B3GAT2: variants seen among roughly 807,000 people sequenced by gnomAD.
B3GAT2 encodes beta-1,3-glucuronyltransferase 2.
B3GAT2 carries 26 observed loss-of-function variants against 27.8 expected under a neutral mutation model. The observed-to-expected ratio is 0.93, with a 90% CI of 0.68 to 1.30. The LOEUF is 1.30. Among genes scored for constraint, B3GAT2 ranks in the 50% most tolerant of loss-of-function variants. The pLI is 0.00. For synonymous variants in B3GAT2, 218 were observed against 195.1 expected, an observed-to-expected ratio of 1.12 and a Z score of -0.98; for missense variants, 458 against 459.0, an observed-to-expected ratio of 1.00 and a Z score of 0.02.
At chr6:70,898,523 A>G (rs1772432725) in intron 1 of B3GAT2, among the ~76,000 whole-genome samples, 1 of 152,222 alleles carries the variant, frequency 6.6e-6, no homozygotes, top group Non-Finnish European at 1.5e-5. Context: ...AACCTAATAC[A>G]TACTTTTAAA....
At chr6:70,953,969 G>A (rs1481217659) in intron 1 of B3GAT2, among the ~76,000 whole-genome samples, 1 of 152,172 alleles carries the variant, frequency 6.6e-6, no homozygotes, top group Non-Finnish European at 1.5e-5. Context: ...TTCACTGCCT[G>A]CGTGTGCCAA....
intron 1 of B3GAT2, among the ~76,000 whole-genome samples, chr6:70,937,979 G>A (rs566430450): frequency 1.5e-4 from 23 of 151,358 alleles, no homozygotes; most frequent in African/African-American, 5.1e-4. Context: ...GTTTGCAGAC[G>A]ACATGATTGT....
Position 70,956,050 on chromosome 6 carries a change from C to T in B3GAT2, c.380G>A (p.Ser127Asn), listed in dbSNP as rs766397393. Residue 127 changes from serine (S) to asparagine (N), a missense_variant, in exon 1 of 4, where the codon AGC becomes AAC. Coordinates refer to ENST00000230053, the MANE Select transcript of B3GAT2 (RefSeq NM_080742.3). ...EDAAARSELV[S>N]RFLARAGLPS... ...CAGCCCGGCCCGCGCCAGGAAGCGG[C>T]TCACCAGCTCGCTGCGCGCCGCCGC... 3.2e-6 allele frequency: 5 copies of T among 1,578,064 alleles called. No homozygotes were observed. The Admixed American group carries it at 8.8e-5, about 28-fold the overall frequency.
chr6:70,859,317 TCTTA>T lies in B3GAT2; in HGVS notation c.*2342_*2345del, dbSNP rs1475639544. On this transcript the variant is annotated 3_prime_UTR_variant, in exon 4 of 4. Transcript: ENST00000230053. ...GAACCAGGAAGGAGTTAATACTGGC[TCTTA>T]CTTCCAGATAATGCAGAAGGGTGAT... is the stretch of plus-strand genomic sequence containing the variant. 5.8e-6 allele frequency: 9 copies of T among 1,542,790 alleles called. No homozygotes were observed. The highest frequency in any genetic ancestry group is 7.0e-6 in the Non-Finnish European group (8 of 1,143,046).
chr6:70,879,480 G>GATTCATTCATTCATTC (rs140959014), intron 2 of B3GAT2, among the ~76,000 whole-genome samples: 5,409 of 151,640 alleles, frequency 0.036, 355 homozygotes, highest in East Asian at 0.33. Flanking sequence ...CTAAACTTAG[G>GATTCATTCATTCATTC]ATTCATTCAT....
At chr6:70,895,495 ATTTTTTTTTTTTTTTTT>A (rs59066944) in intron 1 of B3GAT2, among the ~76,000 whole-genome samples, 3 of 76,612 alleles carry the variant, frequency 3.9e-5, no homozygotes, top group African/African-American at 6.0e-5. Flanking sequence ...CAAAAAGGGG[ATTTTTTTTTTTTTTTTT>A]TTTTTTTTTT....
At chr6:70,926,962 A>G (rs1772972411) in intron 1 of B3GAT2, among the ~76,000 whole-genome samples, 2 of 152,238 alleles carry the variant, frequency 1.3e-5, no homozygotes, top group South Asian at 4.1e-4. Flanking sequence ...AGCCCATCAG[A>G]CTAACAGCAG....
At chr6:70,896,331 T>C (rs1582362382) in intron 1 of B3GAT2, among the ~76,000 whole-genome samples, 1 of 152,206 alleles carries the variant, frequency 6.6e-6, no homozygotes, top group South Asian at 2.1e-4. Flanking sequence ...AACGACTATA[T>C]GCTGAGTGCT....
At chr6:70,891,008 T>G (rs1772279087) in intron 2 of B3GAT2, among the ~76,000 whole-genome samples, 2 of 152,254 alleles carry the variant, frequency 1.3e-5, no homozygotes, top group South Asian at 4.1e-4. Flanking sequence ...AGCTCAGTTC[T>G]TTCAAGCAGT....
At chr6:70,948,636 C>T (rs1426839670) in intron 1 of B3GAT2, among the ~76,000 whole-genome samples, 55 of 151,158 alleles carry the variant, frequency 3.6e-4, no homozygotes, top group Middle Eastern at 3.4e-3. Context: ...GAATCAATAT[C>T]GTGAAAATGG....
chr6:70,955,809 G>T (rs1447550424), intron 1 of B3GAT2, 30 bp downstream of exon 1: 1 of 1,545,446 alleles, frequency 6.5e-7, no homozygotes, highest in South Asian at 1.2e-5. Flanking sequence ...TCCCGCCCTC[G>T]CCCACCCAGC....
chr6:70,870,225 G>T (rs1037541332), intron 2 of B3GAT2, among the ~76,000 whole-genome samples: 4 of 151,960 alleles, frequency 2.6e-5, no homozygotes, highest in African/African-American at 9.7e-5. Flanking sequence ...AAAATGATGA[G>T]TTCATGTCCT....
intron 1 of B3GAT2, among the ~76,000 whole-genome samples, chr6:70,907,802 A>T (rs1772625751): frequency 6.6e-6 from 1 of 152,190 alleles, no homozygotes; most frequent in African/African-American, 2.4e-5. Context: ...CCCCTGGCAA[A>T]CTTTGTGAGA....
intron 1 of B3GAT2, among the ~76,000 whole-genome samples, chr6:70,954,856 C>T (rs1394343235): frequency 1.3e-5 from 2 of 148,898 alleles, no homozygotes; most frequent in Non-Finnish European, 1.5e-5. Flanking sequence ...ACACACACAC[C>T]GCAAGATACC....
chr6:70,948,116 C>T (rs993761901), intron 1 of B3GAT2, among the ~76,000 whole-genome samples: 12 of 148,732 alleles, frequency 8.1e-5, no homozygotes, highest in African/African-American at 2.2e-4. Context: ...AAGCCCACAG[C>T]CAATATCATA....
At chr6:70,902,699 C>G (rs961690746) in intron 1 of B3GAT2, among the ~76,000 whole-genome samples, 1 of 149,816 alleles carries the variant, frequency 6.7e-6, no homozygotes, top group African/African-American at 2.5e-5. Flanking sequence ...CAATAGGGTA[C>G]TATTCTGCCT....
intron 1 of B3GAT2, among the ~76,000 whole-genome samples, chr6:70,915,054 C>T (rs1772749234): frequency 6.6e-6 from 1 of 152,206 alleles, no homozygotes; most frequent in African/African-American, 2.4e-5. Context: ...TCTCCACATC[C>T]TCTCCAGCAT....
chr6:70,919,090 G>A (rs887549896), intron 1 of B3GAT2, among the ~76,000 whole-genome samples: 12 of 152,002 alleles, frequency 7.9e-5, no homozygotes, highest in East Asian at 3.9e-4. Context: ...GGCTTTATTC[G>A]TTTCTTTTCA....
chr6:70,941,085 A>G (rs1013479295), intron 1 of B3GAT2, among the ~76,000 whole-genome samples: 14 of 152,120 alleles, frequency 9.2e-5, no homozygotes, highest in African/African-American at 3.4e-4. Flanking sequence ...CCCTGTAATC[A>G]CCCTAGTAAT....
Sources: gnomAD v4.1 joint callset for allele counts (sites outside exome capture counted in the v4.1 genomes callset) on GRCh38, gnomAD v4.1.1 for gene constraint, MANE v1.5 for transcripts, NCBI Gene and HGNC (gene_info 2026-07-23, HGNC 2026-07-21) for gene names.